The following FHOD3 variants were observed in gnomAD, a reference collection of about 807,000 sequenced individuals.
The protein encoded by FHOD3 is FH1/FH2 domain-containing protein 3.
FHOD3 carries 90 observed loss-of-function variants against 173.0 expected under a neutral mutation model. That is an observed-to-expected ratio of 0.52 (90% CI 0.44 to 0.62). The LOEUF is 0.62. Among genes scored for constraint, FHOD3 ranks in the 20% least tolerant of loss-of-function variants. The probability of loss-of-function intolerance (pLI) is 0.00; values close to 1 mark genes in which losing one functional copy is unlikely to be tolerated. For missense variants in FHOD3, 1,945 were observed against 2,034.7 expected (o/e 0.96, Z 0.85); for synonymous variants, 828 against 823.0 (o/e 1.01, Z -0.10).
intron 10 of FHOD3, among the ~76,000 whole-genome samples, chr18:36,646,936 A>T (rs1369019235): frequency 6.6e-6 from 1 of 152,202 alleles, no homozygotes; most frequent in Non-Finnish European, 1.5e-5. Context: ...AGGGCAAATG[A>T]TATTAAAAAC....
At chr18:36,607,717 A>C in intron 8 of FHOD3, among the ~76,000 whole-genome samples, 1 of 150,986 alleles carries the variant, frequency 6.6e-6, no homozygotes, top group Non-Finnish European at 1.5e-5. Context: ...TAACTATACA[A>C]CTCCTTCAAT....
chr18:36,672,082 G>A (rs2037568624), intron 14 of FHOD3, among the ~76,000 whole-genome samples: 1 of 152,156 alleles, frequency 6.6e-6, no homozygotes, highest in African/African-American at 2.4e-5. Flanking sequence ...TTGGCATGGA[G>A]GCCATCTTAG....
intron 18 of FHOD3, among the ~76,000 whole-genome samples, chr18:36,717,516 C>G (rs1436973068): frequency 6.6e-6 from 1 of 152,096 alleles, no homozygotes; most frequent in Non-Finnish European, 1.5e-5. Context: ...TCCTTAGTTA[C>G]CTGTGGCTGA....
chr18:36,602,401 A>C (rs1008971579), intron 7 of FHOD3, among the ~76,000 whole-genome samples: 3 of 152,204 alleles, frequency 2.0e-5, no homozygotes, highest in African/African-American at 7.2e-5. Context: ...TAATATGAAG[A>C]AATTTTCAAG....
At chr18:36,307,093 A>G (rs7234031) in intron 1 of FHOD3, among the ~76,000 whole-genome samples, 1,789 of 152,068 alleles carry the variant, frequency 0.012, 36 homozygotes, top group African/African-American at 0.041. Flanking sequence ...CCTCCCAAGT[A>G]GCTGGGATTA....
intron 8 of FHOD3, among the ~76,000 whole-genome samples, chr18:36,603,976 C>T (rs12104044): frequency 0.19 from 28,360 of 152,102 alleles, 3,264 homozygotes; most frequent in African/African-American, 0.32. Flanking sequence ...ACTTGTCTCA[C>T]GTGATGGTGA....
intron 15 of FHOD3, among the ~76,000 whole-genome samples, chr18:36,686,907 T>C (rs1349301292): frequency 6.6e-6 from 1 of 152,234 alleles, no homozygotes; most frequent in Non-Finnish European, 1.5e-5. Context: ...CCAATAATCC[T>C]ATGTTTTCTG....
chr18:36,392,987 C>T (rs1009851907), intron 3 of FHOD3, among the ~76,000 whole-genome samples: 2 of 152,170 alleles, frequency 1.3e-5, no homozygotes, highest in African/African-American at 4.8e-5. Flanking sequence ...CAACTGGAAG[C>T]AACATATATT....
At chr18:36,314,164 C>T (rs2092314316) in intron 1 of FHOD3, among the ~76,000 whole-genome samples, 1 of 152,194 alleles carries the variant, frequency 6.6e-6, no homozygotes, top group Non-Finnish European at 1.5e-5. Flanking sequence ...ATTCTTATGC[C>T]TCCCAAAGCC....
chr18:36,634,782 T>C (rs1040876862), intron 10 of FHOD3, among the ~76,000 whole-genome samples: 5 of 152,194 alleles, frequency 3.3e-5, no homozygotes, highest in African/African-American at 1.2e-4. Flanking sequence ...AGTGCTGTTA[T>C]TATCATCAAT....
At position 36,297,802 on chromosome 18, in the gene FHOD3, C is replaced by T; in HGVS notation, c.-34C>T. Reference sequence around the variant, plus strand: ...CGTCCCGGCCCGCGGCCCCGCTAACCCCGGGGCCCGCGCCCCCGCGGCAGG... The same window carrying T: ...CGTCCCGGCCCGCGGCCCCGCTAACTCCGGGGCCCGCGCCCCCGCGGCAGG... On this transcript the variant is annotated 5_prime_UTR_variant, in exon 1 of 29. Transcript: ENST00000590592. 2 of 1,490,258 alleles carry T rather than the reference C, an allele frequency of 1.3e-6. No individual in the cohort carries two copies. The highest frequency in any genetic ancestry group is 1.8e-6 in the Non-Finnish European group (2 of 1,117,876). 92.3% of individuals were successfully genotyped at this position (1,490,258 alleles called of 1,614,324 possible).
intron 5 of FHOD3, among the ~76,000 whole-genome samples, chr18:36,528,370 C>T (rs1360225589): frequency 6.6e-6 from 1 of 152,150 alleles, no homozygotes; most frequent in Non-Finnish European, 1.5e-5. Flanking sequence ...AATAGTTGGC[C>T]TGGCTCTGGG....
intron 3 of FHOD3, among the ~76,000 whole-genome samples, chr18:36,417,752 C>A (rs2147012826): frequency 6.6e-6 from 1 of 152,256 alleles, no homozygotes; most frequent in Non-Finnish European, 1.5e-5. Context: ...AGGACGATAG[C>A]AAATATGAAG....
chr18:36,452,766 A>G (rs1184114900), intron 3 of FHOD3, among the ~76,000 whole-genome samples: 1 of 152,118 alleles, frequency 6.6e-6, no homozygotes, highest in Non-Finnish European at 1.5e-5. Flanking sequence ...TGTTGCATAT[A>G]GCAGGATTTT....
At chr18:36,471,053 G>C (rs920373652) in intron 3 of FHOD3, among the ~76,000 whole-genome samples, 4 of 152,190 alleles carry the variant, frequency 2.6e-5, no homozygotes, top group Non-Finnish European at 5.9e-5. Context: ...ACATGGCTCA[G>C]GGATCGCAGT....
At chr18:36,619,429 G>A (rs1412275950) in intron 9 of FHOD3, among the ~76,000 whole-genome samples, 1 of 152,178 alleles carries the variant, frequency 6.6e-6, no homozygotes, top group Non-Finnish European at 1.5e-5. Flanking sequence ...AAACAGTGGA[G>A]TCTCCCAAGT....
intron 3 of FHOD3, among the ~76,000 whole-genome samples, chr18:36,473,459 C>T (rs1314941389): frequency 1.3e-5 from 2 of 152,150 alleles, no homozygotes; most frequent in Non-Finnish European, 2.9e-5. Context: ...TGAATCAGAA[C>T]CTACATTTGT....
intron 5 of FHOD3, among the ~76,000 whole-genome samples, chr18:36,518,963 A>G (rs2071019867): frequency 1.3e-5 from 2 of 152,186 alleles, no homozygotes; most frequent in Non-Finnish European, 2.9e-5. Flanking sequence ...GGTCAGGGGC[A>G]GGGAAGCTGC....
chr18:36,736,062 G>A lies in FHOD3; in HGVS notation c.3577-4594G>A, dbSNP rs8089208. Among the ~76,000 whole-genome samples, 1,401 of 152,304 alleles carry A rather than the reference G, an allele frequency of 9.2e-3. 18 individuals are homozygous for A. The highest frequency in any genetic ancestry group is 0.032 in the African/African-American group (1,334 of 41,564). On this transcript the variant is annotated intron_variant, in intron 20 of 28. Transcript: ENST00000590592. Reference sequence around the variant, plus strand: ...AGGAAATTTTCTGTGACCCCTTCACGGGCCTTGTGATGGGGGTGCCTCACT... The same window carrying A: ...AGGAAATTTTCTGTGACCCCTTCACAGGCCTTGTGATGGGGGTGCCTCACT...
Sources: allele counts gnomAD v4.1 joint callset (sites outside exome capture counted in the v4.1 genomes callset), GRCh38; gene constraint gnomAD v4.1.1; transcripts MANE v1.5; gene names NCBI Gene and HGNC (gene_info 2026-07-23, HGNC 2026-07-21).